The following MAMDC4 variants were observed in gnomAD, a reference collection of about 807,000 sequenced individuals.
The protein encoded by MAMDC4 is MAM domain containing 4.
A neutral mutation model predicts 153.3 loss-of-function variants in MAMDC4; 168 were observed. The ratio of observed to expected loss-of-function variants is 1.10; its 90% CI spans 0.97 to 1.25. MAMDC4 has a LOEUF of 1.25. MAMDC4 is among the 50% of genes most tolerant of loss of function. The pLI is 0.00. For synonymous variants in MAMDC4, 744 were observed against 651.5 expected, an observed-to-expected ratio of 1.14 and a Z score of -2.16; for missense variants, 1,701 against 1,542.8, an observed-to-expected ratio of 1.10 and a Z score of -1.72.
intron 19 of MAMDC4, 66 bp downstream of exon 19, chr9:136,857,862 T>G (rs918886063): frequency 2.5e-5 from 39 of 1,558,918 alleles, no homozygotes; most frequent in Non-Finnish European, 3.0e-5. Context: ...CCCACCAGCC[T>G]TGTGCTGAGG....
At position 136,856,793 on chromosome 9, in the gene MAMDC4, C is replaced by G; in HGVS notation, c.1804C>G (p.Arg602Gly). 1 of 1,611,546 alleles carries G rather than the reference C, an allele frequency of 6.2e-7. No homozygotes were observed. Among genetic ancestry groups the G allele is most frequent in the Non-Finnish European group, 8.5e-7 (1 of 1,179,392 alleles). The part of the protein sequence containing the change: ...SDTHWRWVES[R>G]GPDHDHTTGQ... ...CACACACTGGCGCTGGGTGGAGAGCCGCGGCCCTGACCACGACCACACCAC... is the reference window on the plus strand; with the variant it reads ...CACACACTGGCGCTGGGTGGAGAGCGGCGGCCCTGACCACGACCACACCAC... The change falls in exon 15 of 27, where the codon CGC becomes GGC. Residue 602 changes from arginine to glycine, a missense_variant. Transcript: ENST00000317446.
At position 136,852,459 on chromosome 9, in the gene MAMDC4, CT is replaced by C. The variant is rs1564384333; in HGVS notation, c.44del (p.Leu15ArgfsTer128). On this transcript the variant is annotated frameshift_variant and splice_region_variant, in exon 1 of 27. Coordinates refer to ENST00000317446, the MANE Select transcript of MAMDC4 (RefSeq NM_206920.3). LOFTEE classifies it high-confidence loss of function. ...SHLLPALVLF[L>X]AGSSGWAWVP... is the part of the protein sequence containing the mutation. ...CCTGCTGCCCGCCTTGGTCCTGTTC[CT>C]GGGTAAGTAGTCTGGTCCCACTCCT... 1 of 1,610,148 alleles carries C rather than the reference CT, an allele frequency of 6.2e-7. No homozygotes were observed. Among genetic ancestry groups the C allele is most frequent in the South Asian group, 1.1e-5 (1 of 91,090 alleles).
At chr9:136,856,544 T>G (rs1849007332) in intron 14 of MAMDC4, 166 bp from the exon 15 acceptor site, 2 of 808,202 alleles carry the variant, frequency 2.5e-6, no homozygotes, top group East Asian at 4.9e-5. Flanking sequence ...TGAGGGACTG[T>G]AGCCCCACAG....
rs1271407817 is a variant in MAMDC4, at chr9:136,852,470, G to A, written c.46+8G>A. 2 of 1,609,316 alleles carry A rather than the reference G, an allele frequency of 1.2e-6. No homozygotes were observed. Among genetic ancestry groups the A allele is most frequent in the Non-Finnish European group, 1.7e-6 (2 of 1,179,946 alleles). ...CCTTGGTCCTGTTCCTGGGTAAGTA[G>A]TCTGGTCCCACTCCTGAGGCAGGAC... On this transcript the variant is annotated splice_region_variant and intron_variant, in intron 1 of 26. Transcript: ENST00000317446.
rs1256012732 is a variant in MAMDC4, at chr9:136,853,381, G to T, written c.251G>T (p.Ser84Ile). 2 of 1,606,440 alleles carry T rather than the reference G, an allele frequency of 1.2e-6. No individual in the cohort carries two copies. Among genetic ancestry groups the T allele is most frequent in the African/African-American group, 1.3e-5 (1 of 74,828 alleles). The part of the protein sequence containing the change: ...GWRDISTSGY[S>I]WLRDRAGAAL... ...CGGGACATTAGTACCTCAGGCTACA[G>T]CTGGCTCCGAGACAGGGCAGGGGCC... The change falls in exon 3 of 27, where the codon AGC becomes ATC. Residue 84 changes from serine to isoleucine, a missense_variant. By Grantham distance (142) the Ser-to-Ile change is moderately radical. Coordinates refer to ENST00000317446, the MANE Select transcript of MAMDC4 (RefSeq NM_206920.3).
Position 136,853,384 on chromosome 9 carries a change from G to A in MAMDC4, c.254G>A (p.Trp85Ter), listed in dbSNP as rs749198575. 6 of 1,606,438 alleles carry A rather than the reference G, an allele frequency of 3.7e-6. No homozygotes were observed. Among genetic ancestry groups the A allele is most frequent in the Admixed American group, 3.3e-5 (2 of 59,808 alleles). ...WRDISTSGYS[W>*]LRDRAGAALE... ...GACATTAGTACCTCAGGCTACAGCT[G>A]GCTCCGAGACAGGGCAGGGGCCGCA... Residue 85 changes from tryptophan to a stop codon, truncating the protein, a stop_gained, in exon 3 of 27, where the codon TGG becomes TAG. Transcript: ENST00000317446. LOFTEE classifies it high-confidence loss of function.
At chr9:136,856,212 G>T (rs756426870) in intron 14 of MAMDC4, 63 bp downstream of exon 14, 3 of 1,611,536 alleles carry the variant, frequency 1.9e-6, no homozygotes, top group Admixed American at 1.7e-5. Flanking sequence ...AGTGGGAGGG[G>T]TCTGGGGCCG....
rs1387732810 is a variant in MAMDC4 at position 136,855,321 on chromosome 9, A to G, written c.1265A>G (p.His422Arg). 1 of 1,606,450 alleles carries G rather than the reference A, an allele frequency of 6.2e-7. No homozygotes were observed. Among genetic ancestry groups the G allele is most frequent in the African/African-American group, 1.3e-5 (1 of 74,726 alleles). The change falls in exon 11 of 27, where the codon CAC (histidine) becomes CGC (arginine). Residue 422 changes from histidine (H) to arginine (R), a missense_variant. Coordinates refer to ENST00000317446, the MANE Select transcript of MAMDC4 (RefSeq NM_206920.3). ...CTGGACGACCTCATCCTGTCTGACC[A>G]CTGCAGACCAGTCTCGGGTGAGCCT... ...VGLDDLILSD[H>R]CRPVSEVSTL...
At chr9:136,853,060 T>G in intron 1 of MAMDC4, 42 bp from the exon 2 acceptor site, 1 of 1,562,526 alleles carries the variant, frequency 6.4e-7, no homozygotes, top group South Asian at 1.1e-5. Context: ...GGATGGCTGG[T>G]CACCCTGCCC....
At chr9:136,852,671 G>A (rs577850199) in intron 1 of MAMDC4, among the ~76,000 whole-genome samples, 15 of 152,196 alleles carry the variant, frequency 9.9e-5, no homozygotes, top group African/African-American at 2.4e-4. Context: ...GAAGAGGCAC[G>A]ACTCCCCTCC....
In MAMDC4 at chr9:136,856,083, C is replaced by A. The variant is rs554677108; in HGVS notation, c.1654C>A (p.Leu552Ile). 1 of 1,612,498 alleles carries A rather than the reference C, an allele frequency of 6.2e-7. No homozygotes were observed. Among genetic ancestry groups the A allele is most frequent in the South Asian group, 1.1e-5 (1 of 91,082 alleles). Residue 552 changes from leucine (L) to isoleucine (I), a missense_variant, in exon 14 of 27, where the codon CTC (leucine) becomes ATC (isoleucine). By Grantham distance (5) the Leu-to-Ile change is conservative (BLOSUM62 2). Coordinates refer to ENST00000317446, the MANE Select transcript of MAMDC4 (RefSeq NM_206920.3). Reference sequence around the variant, plus strand: ...CGCTGAGGCCCGGGTCCTCACACCCCTCCTTGGCCCTTCTGGCCCCAGCTG... The same window carrying A: ...CGCTGAGGCCCGGGTCCTCACACCCATCCTTGGCCCTTCTGGCCCCAGCTG... ...LGAEARVLTP[L>I]LGPSGPSCEL...
In MAMDC4 at chr9:136,853,892, C is replaced by T. The variant is rs750839280; in HGVS notation, c.570C>T (p.Ile190=). ...AGTTGGCAGTGACCACAGGCCGCAT[C>T]CGGGGTGACTTCCGAGTGAGCTGGG... is the stretch of plus-strand genomic sequence containing the variant. ...WQELAVTTGR[I]RGDFRVTFSA... is the part of the protein sequence containing the mutation. The change falls in exon 5 of 27, where the codon ATC becomes ATT. Residue 190 remains isoleucine, a synonymous_variant. Coordinates refer to ENST00000317446, the MANE Select transcript of MAMDC4 (RefSeq NM_206920.3). 1.2e-6 allele frequency: 2 copies of T among 1,612,568 alleles called. No homozygotes were observed. Among genetic ancestry groups the T allele is most frequent in the South Asian group, 2.2e-5 (2 of 91,076 alleles).
Position 136,860,572 on chromosome 9 carries a change from C to A in MAMDC4, c.3383C>A (p.Thr1128Asn), listed in dbSNP as rs1343561091. The change falls in exon 27 of 27, where the codon ACC becomes AAC. Residue 1128 changes from threonine to asparagine, a missense_variant. Coordinates refer to ENST00000317446, the MANE Select transcript of MAMDC4 (RefSeq NM_206920.3). ...DNILFNADGV[T>N]LPASVTSDP ...TCTTCCTCCTCCTAGGATGGTGTCA[C>A]CCTCCCGGCATCTGTCACCAGTGAT... 3 of 1,612,820 alleles carry A rather than the reference C, an allele frequency of 1.9e-6. No homozygotes were observed. The highest frequency in any genetic ancestry group is 3.3e-5 in the Admixed American group (2 of 59,998).
intron 25 of MAMDC4, chr9:136,859,592 G>A: frequency 1.7e-6 from 1 of 589,986 alleles, no homozygotes; most frequent in Non-Finnish European, 3.0e-6. Flanking sequence ...CACACCCAGG[G>A]CAAGGTCCAT....
chr9:136,853,256 G>A, intron 2 of MAMDC4, 29 bp from the exon 3 acceptor site: 1 of 1,609,414 alleles, frequency 6.2e-7, no homozygotes, highest in Admixed American at 1.7e-5. Flanking sequence ...GAGCAGGTCT[G>A]GCACACACCT....
At chr9:136,860,273 A>G (rs980178188) in intron 26 of MAMDC4, among the ~76,000 whole-genome samples, 2 of 152,150 alleles carry the variant, frequency 1.3e-5, no homozygotes, top group South Asian at 4.1e-4. Flanking sequence ...TAATCCCAGC[A>G]CTTTGGGAGA....
chr9:136,855,053 G>C lies in MAMDC4; in HGVS notation c.1140G>C (p.Glu380Asp). The C allele has an allele frequency of 1.2e-6, 2 of 1,605,952 alleles. No homozygotes were observed. ...APVLLRRRRG[E>D]LGTAWVRDRV... Reference sequence around the variant, plus strand: ...TCCTGCTGCGGAGGCGCCGAGGGGAGCTGGGGACCGCCTGGGTCCGAGACC... The same window carrying C: ...TCCTGCTGCGGAGGCGCCGAGGGGACCTGGGGACCGCCTGGGTCCGAGACC... Residue 380 changes from glutamate (E) to aspartate (D), a missense_variant, in exon 10 of 27, where the codon GAG (glutamate) becomes GAC (aspartate). Transcript: ENST00000317446.
At chr9:136,857,838 C>T in intron 19 of MAMDC4, 42 bp downstream of exon 19, 1 of 1,595,272 alleles carries the variant, frequency 6.3e-7, no homozygotes, top group African/African-American at 1.3e-5. Context: ...CTCAGGGAAG[C>T]TTGGCCTGGT....
At position 136,858,535 on chromosome 9, in the gene MAMDC4, G is replaced by A. The variant is rs1849041774; in HGVS notation, c.2810G>A (p.Gly937Asp). The A allele has an allele frequency of 6.3e-7, 1 of 1,582,714 alleles. No individual in the cohort carries two copies. The highest frequency in any genetic ancestry group is 1.8e-5 in the Admixed American group (1 of 55,124). Residue 937 changes from glycine (G) to aspartate (D), a missense_variant, in exon 22 of 27, where the codon GGC (glycine) becomes GAC (aspartate). Coordinates refer to ENST00000317446, the MANE Select transcript of MAMDC4 (RefSeq NM_206920.3). ...CAGCCCCCTGTGGACCACACCCTGG[G>A]CACAGAGGCAGGTACGTGCCCACTG... Reference protein sequence around the residue: ...YPQPPVDHTLGTEAGHFAFFE... With the variant: ...YPQPPVDHTLDTEAGHFAFFE...
Sources: allele counts gnomAD v4.1 joint callset (sites outside exome capture counted in the v4.1 genomes callset), GRCh38; gene constraint gnomAD v4.1.1; transcripts MANE v1.5; gene names NCBI Gene and HGNC (gene_info 2026-07-23, HGNC 2026-07-21).